IGF2R: variants seen among roughly 807,000 people sequenced by gnomAD.
The protein encoded by IGF2R is insulin like growth factor 2 receptor, also known as cation-independent mannose-6-phosphate receptor.
Under a neutral mutation model 270.6 loss-of-function variants are expected in IGF2R, and 91 were observed. That is an observed-to-expected ratio of 0.34 (90% CI 0.28 to 0.40). The LOEUF is 0.40. Ranked by LOEUF, IGF2R falls within the 10% of genes least tolerant of loss-of-function variation. The probability of loss-of-function intolerance (pLI) is 1.00; values close to 1 mark genes in which losing one functional copy is unlikely to be tolerated. For synonymous variants in IGF2R, 1,316 were observed against 1,258.9 expected, an observed-to-expected ratio of 1.05 and a Z score of -0.96; for missense variants, 2,805 against 3,188.3, an observed-to-expected ratio of 0.88 and a Z score of 2.90.
Position 160,104,926 on chromosome 6 carries a change from A to T in IGF2R, c.7318A>T (p.Ser2440Cys). 1 of 1,614,194 alleles carries T rather than the reference A, an allele frequency of 6.2e-7. No homozygotes were observed. The highest frequency in any genetic ancestry group is 8.5e-7 in the Non-Finnish European group (1 of 1,180,026). Residue 2440 changes from serine (S) to cysteine (C), a missense_variant, in exon 48 of 48, where the codon AGC becomes TGC. Around this residue, in one of 2 missense-constraint regions of IGF2R, gnomAD observed 1,851 missense variants for 2,207.2 expected, o/e 0.84. Coordinates refer to ENST00000356956, the MANE Select transcript of IGF2R (RefSeq NM_000876.4). The part of the protein sequence containing the change: ...ESSHPVRNAQ[S>C]NALQEREDDR... ...CTCCCACCCAGTGAGAAACGCACAGAGCAATGCCCTTCAGGAGCGTGAGGA... is the reference window on the plus strand; with the variant it reads ...CTCCCACCCAGTGAGAAACGCACAGTGCAATGCCCTTCAGGAGCGTGAGGA...
At chr6:160,024,985 C>T (rs1053586626) in intron 5 of IGF2R, among the ~76,000 whole-genome samples, 1 of 152,082 alleles carries the variant, frequency 6.6e-6, no homozygotes, top group Non-Finnish European at 1.5e-5. Context: ...CGGGATTCTA[C>T]AGAAGTGAGG....
chr6:159,987,712 A>G (rs898382629), intron 1 of IGF2R, among the ~76,000 whole-genome samples: 1 of 152,246 alleles, frequency 6.6e-6, no homozygotes. Context: ...TAAAGGAGAC[A>G]TAATGTCCGT....
rs943371071 is a variant in IGF2R, at chr6:160,110,225, C to A, written c.*5141C>A. ...TCCACTGGGAAATTCCCTTCTGTGG[C>A]GAGGTTCTGTTGTTTTCCAGAGGCT... On this transcript the variant is annotated 3_prime_UTR_variant, in exon 48 of 48. Coordinates refer to ENST00000356956, the MANE Select transcript of IGF2R (RefSeq NM_000876.4). The A allele has an allele frequency of 6.6e-6, 1 of 152,172 alleles. No homozygotes were observed. The highest frequency in any genetic ancestry group is 1.5e-5 in the Non-Finnish European group (1 of 68,036). The allele number at this position is 152,172 out of a possible 1,614,324, so 9.4% of individuals were successfully genotyped here.
In IGF2R at chr6:160,102,710, A is replaced by T. The variant is rs1188607414; in HGVS notation, c.6995+39A>T. 7.1e-6 allele frequency: 11 copies of T among 1,549,926 alleles called. No individual in the cohort carries two copies. Among genetic ancestry groups the T allele is most frequent in the Non-Finnish European group, 9.6e-6 (11 of 1,140,792 alleles). ...AGGGCGAGGTGGGGCGGGTGGATGC[A>T]TGCCTCCCATAGCTAATCTTGGGGT... On this transcript the variant is annotated intron_variant, in intron 46 of 47. Coordinates refer to ENST00000356956, the MANE Select transcript of IGF2R (RefSeq NM_000876.4). This position sits in a 1 kb window ranked among gnomAD's most constrained non-coding sequence, Gnocchi z 4.5.
At chr6:160,098,332 T>C (rs1455419040) in intron 45 of IGF2R, among the ~76,000 whole-genome samples, 7 of 151,996 alleles carry the variant, frequency 4.6e-5, no homozygotes, top group Admixed American at 3.3e-4. Context: ...AACATCAGGA[T>C]TGGGAGCTGT....
chr6:159,972,308 T>C (rs1328826195), intron 1 of IGF2R, among the ~76,000 whole-genome samples: 1 of 152,192 alleles, frequency 6.6e-6, no homozygotes, highest in Non-Finnish European at 1.5e-5. Flanking sequence ...ATGGAGGCAG[T>C]CCCAAATGTA....
rs1330263675 is a variant in IGF2R, at chr6:160,102,888, A to T, written c.6995+217A>T. On this transcript the variant is annotated intron_variant, in intron 46 of 47. Coordinates refer to ENST00000356956, the MANE Select transcript of IGF2R (RefSeq NM_000876.4). This position sits in a 1 kb window ranked among gnomAD's most constrained non-coding sequence, Gnocchi z 4.5. ...ACCAAGGCCGAGGCCCTCGCACATC[A>T]CCCGTGCCTGCGGCTTCTAGGACCG... Among the ~76,000 whole-genome samples the T allele has an allele frequency of 1.3e-5, 2 of 152,014 alleles. No homozygotes were observed. Among genetic ancestry groups the T allele is most frequent in the Non-Finnish European group, 2.9e-5 (2 of 67,990 alleles).
intron 2 of IGF2R, among the ~76,000 whole-genome samples, chr6:160,008,717 C>T (rs1263324100): frequency 6.6e-6 from 1 of 152,030 alleles, no homozygotes; most frequent in African/African-American, 2.4e-5. Context: ...TGCTGGAGCG[C>T]AGGTAGTGGT....
Position 160,040,604 on chromosome 6 carries a change from T to G in IGF2R, c.1360T>G (p.Cys454Gly). Reference protein sequence around the residue: ...GTPVFTGEVDCTYFFTWDTEY... With the variant: ...GTPVFTGEVDGTYFFTWDTEY... ...TCCTGTATTCACAGGGGAGGTTGAC[T>G]GCACCTACTTCTTCACATGGGACAC... Residue 454 changes from cysteine (C) to glycine (G), a missense_variant, in exon 11 of 48, where the codon TGC becomes GGC. Cys to Gly is a radical substitution (Grantham distance 159). This residue lies in a region of IGF2R where 954 missense variants were observed against 981.1 expected (regional missense o/e 0.97). Transcript: ENST00000356956. 1 of 1,614,202 alleles carries G rather than the reference T, an allele frequency of 6.2e-7. No individual in the cohort carries two copies. The highest frequency in any genetic ancestry group is 8.5e-7 in the Non-Finnish European group (1 of 1,180,010).
chr6:160,028,842 A>G (rs921409964), intron 6 of IGF2R, among the ~76,000 whole-genome samples: 41 of 147,990 alleles, frequency 2.8e-4, no homozygotes, highest in Non-Finnish European at 9.0e-5. Flanking sequence ...TTTTTTTTTT[A>G]ATTTTGTTAT....
intron 1 of IGF2R, among the ~76,000 whole-genome samples, chr6:159,971,230 G>T (rs1266045107): frequency 3.3e-5 from 5 of 152,184 alleles, no homozygotes; most frequent in Non-Finnish European, 7.3e-5. Context: ...TGATTGATGG[G>T]ACCCTTACTT....
At chr6:160,064,116 C>A (rs1256965392) in intron 27 of IGF2R, among the ~76,000 whole-genome samples, 3 of 152,156 alleles carry the variant, frequency 2.0e-5, no homozygotes, top group African/African-American at 7.2e-5. Flanking sequence ...CGTGGACAGC[C>A]CTCAGGCACA....
intron 18 of IGF2R, among the ~76,000 whole-genome samples, chr6:160,049,038 G>A (rs745381365): frequency 1.8e-4 from 28 of 152,298 alleles, no homozygotes; most frequent in South Asian, 4.1e-4. Context: ...GTCGTTGTAC[G>A]TGGTGAATCT....
At chr6:160,060,077 GCCA>G (rs1346875436) in intron 22 of IGF2R, among the ~76,000 whole-genome samples, 2 of 152,224 alleles carry the variant, frequency 1.3e-5, no homozygotes, top group East Asian at 1.9e-4. Flanking sequence ...CATCACATAG[GCCA>G]CCATTGCAGT....
chr6:160,068,063 GGGGTGTGTGTGTGTGTGT>G (rs1429725495), intron 29 of IGF2R, among the ~76,000 whole-genome samples, 168 bp from the exon 30 acceptor site: 25 of 95,264 alleles, frequency 2.6e-4, no homozygotes, highest in African/African-American at 4.5e-4. Flanking sequence ...ATTCTGATGG[GGGGTGTGTGTGTGTGTGT>G]GTGTGTGTGT....
intron 10 of IGF2R, 126 bp from the exon 11 acceptor site, chr6:160,040,434 A>T (rs558829860): frequency 1.4e-6 from 1 of 729,308 alleles, no homozygotes; most frequent in East Asian, 2.6e-5. Flanking sequence ...TCTCTAAAAA[A>T]ACCTGGACCT....
intron 2 of IGF2R, chr6:160,005,887 G>C (rs1784216471): frequency 6.5e-6 from 1 of 152,776 alleles, no homozygotes; most frequent in African/African-American, 2.5e-5. Flanking sequence ...GGCCTCTTGC[G>C]CCTCCCCGGT....
intron 12 of IGF2R, 56 bp from the exon 13 acceptor site, chr6:160,044,454 TTGTC>T (rs66749494): frequency 0.43 from 564,103 of 1,314,044 alleles, 127,575 homozygotes; most frequent in Middle Eastern, 0.46. Context: ...AGTCACTTCT[TTGTC>T]TGCGTGATGA....
rs577494470 is a variant in IGF2R, at chr6:160,012,738, G to A, written c.513+1953G>A. ...ATTACAGGCATGAGCCACCATGCCC[G>A]GCTAATTTATATATATATATATATA... On this transcript the variant is annotated intron_variant, in intron 4 of 47. Transcript: ENST00000356956. Among the ~76,000 whole-genome samples, 308 of 127,970 alleles carry A rather than the reference G, an allele frequency of 2.4e-3. 2 individuals carry two copies. Among genetic ancestry groups the A allele is most frequent in the Non-Finnish European group, 3.2e-3 (191 of 59,974 alleles). 84.0% of individuals were successfully genotyped at this position (127,970 alleles called of 152,430 possible).
Sources: gnomAD v4.1 joint callset for allele counts (sites outside exome capture counted in the v4.1 genomes callset) on GRCh38, gnomAD v4.1.1 for gene constraint, gnomAD v4.1.1 regional missense constraint, Gnocchi (gnomAD v3.1) non-coding constraint, MANE v1.5 for transcripts, NCBI Gene and HGNC (gene_info 2026-07-23, HGNC 2026-07-21) for gene names.